Variants in SMG7 observed in about 807,000 individuals in gnomAD.
SMG7 encodes the protein SMG7 nonsense mediated mRNA decay factor.
A neutral mutation model predicts 148.2 loss-of-function variants in SMG7; 34 were observed. The ratio of observed to expected loss-of-function variants is 0.23; its 90% CI spans 0.17 to 0.31. The LOEUF (loss-of-function observed/expected upper bound fraction) is 0.31. Ranked by LOEUF, SMG7 falls within the 10% of genes least tolerant of loss-of-function variation. The pLI is 1.00. For synonymous variants in SMG7, 492 were observed against 515.1 expected (o/e 0.96, Z 0.61); for missense variants, 1,114 against 1,408.4 (o/e 0.79, Z 3.35).
At chr1:183,511,125 A>AGTCCC (rs1662029521) in intron 1 of SMG7, among the ~76,000 whole-genome samples, 1 of 151,902 alleles carries the variant, frequency 6.6e-6, no homozygotes, top group Non-Finnish European at 1.5e-5. Flanking sequence ...AGCAAGGCCC[A>AGTCCC]GTCTCTCTCT....
At chr1:183,551,673 CTT>C (rs1383166529) in intron 22 of SMG7, 143 bp from the exon 23 acceptor site, 1 of 541,976 alleles carries the variant, frequency 1.8e-6, no homozygotes, top group Admixed American at 3.5e-5. Flanking sequence ...CTTATAATGA[CTT>C]TTTCTAATAG....
Position 183,545,157 on chromosome 1 carries a change from C to G in SMG7, c.2215C>G (p.Pro739Ala). Reference sequence around the variant, plus strand: ...CCAGGGACCTCAACAATCACAGCCACCTTCCCAGCAACCCCTTACATCTTT... The same window carrying G: ...CCAGGGACCTCAACAATCACAGCCAGCTTCCCAGCAACCCCTTACATCTTT... ...MNQGPQQSQP[P>A]SQQPLTSLPA... The change falls in exon 16 of 23, where the codon CCT (proline) becomes GCT (alanine). Residue 739 changes from proline (P) to alanine (A), a missense_variant. Coordinates refer to ENST00000688051, the MANE Select transcript of SMG7 (RefSeq NM_001375584.1). 1 of 1,614,098 alleles carries G rather than the reference C, an allele frequency of 6.2e-7. No homozygotes were observed. The highest frequency in any genetic ancestry group is 8.5e-7 in the Non-Finnish European group (1 of 1,180,012).
Position 183,552,846 on chromosome 1 carries a change from T to C in SMG7, c.*915T>C, listed in dbSNP as rs1671271315. On this transcript the variant is annotated 3_prime_UTR_variant, in exon 23 of 23. Coordinates refer to ENST00000688051, the MANE Select transcript of SMG7 (RefSeq NM_001375584.1). Reference sequence around the variant, plus strand: ...AGAAGCTTTCAGTGTGGTTATTTTTTCTTTGGTTGGTTTTTGTGCCCCCAT... The same window carrying C: ...AGAAGCTTTCAGTGTGGTTATTTTTCCTTTGGTTGGTTTTTGTGCCCCCAT... 1.4e-6 allele frequency: 2 copies of C among 1,433,446 alleles called. No individual in the cohort carries two copies. The highest frequency in any genetic ancestry group is 1.5e-5 in the South Asian group (1 of 66,218). 88.8% of individuals were successfully genotyped at this position (1,433,446 alleles called of 1,614,324 possible).
chr1:183,514,029 CAAAAAA>C (rs1035651769), intron 2 of SMG7, among the ~76,000 whole-genome samples: 19 of 41,318 alleles, frequency 4.6e-4, no homozygotes, highest in African/African-American at 1.3e-3. Flanking sequence ...GACTCCGTCT[CAAAAAA>C]AAAAAAAAAA....
chr1:183,529,502 CTCT>C lies in SMG7; in HGVS notation c.815_817del (p.Leu272del). ...AGTAAGAGCTTGGAAAAGTTGAGCC[CTCT>C]TCGAGAGAAATTGGAAGAACAGTTT... On this transcript the variant is annotated inframe_deletion, in exon 8 of 23. Transcript: ENST00000688051. The C allele has an allele frequency of 6.2e-7, 1 of 1,612,902 alleles. No homozygotes were observed. The highest frequency in any genetic ancestry group is 8.5e-7 in the Non-Finnish European group (1 of 1,179,190).
intron 1 of SMG7, among the ~76,000 whole-genome samples, chr1:183,492,929 C>T (rs996260577): frequency 1.3e-5 from 2 of 152,086 alleles, no homozygotes; most frequent in African/African-American, 4.8e-5. Flanking sequence ...CCAGTTTCTC[C>T]TGTGATTTAT....
chr1:183,541,822 G>C (rs1240861101), intron 13 of SMG7, among the ~76,000 whole-genome samples: 1 of 152,202 alleles, frequency 6.6e-6, no homozygotes, highest in African/African-American at 2.4e-5. Flanking sequence ...TGCACTTGAA[G>C]CATGCTCAGA....
At chr1:183,528,435 C>T (rs1344904874) in intron 6 of SMG7, among the ~76,000 whole-genome samples, 1 of 152,058 alleles carries the variant, frequency 6.6e-6, no homozygotes. Context: ...AGCAGTAGTT[C>T]TTGAGTTACA....
At chr1:183,491,111 T>TAGCGA (rs1300380137) in intron 1 of SMG7, among the ~76,000 whole-genome samples, 5 of 152,230 alleles carry the variant, frequency 3.3e-5, no homozygotes, top group South Asian at 2.1e-4. Flanking sequence ...TAACTCTGCT[T>TAGCGA]AACCCTCTGT....
At chr1:183,541,963 C>A in intron 13 of SMG7, 113 bp from the exon 14 acceptor site, 1 of 847,478 alleles carries the variant, frequency 1.2e-6, no homozygotes, top group Non-Finnish European at 1.8e-6. Context: ...TTATATCCTG[C>A]TGTTTTCATG....
intron 11 of SMG7, among the ~76,000 whole-genome samples, chr1:183,537,648 TAC>T (rs975673688): frequency 6.6e-6 from 1 of 152,182 alleles, no homozygotes; most frequent in African/African-American, 2.4e-5. Context: ...CTTACGTGTG[TAC>T]ACACACACAG....
chr1:183,512,929 A>G, intron 2 of SMG7, 61 bp downstream of exon 2: 1 of 1,452,912 alleles, frequency 6.9e-7, no homozygotes. Context: ...ATGGAAGGAT[A>G]TCCTCTTTCT....
chr1:183,546,276 G>A lies in SMG7; in HGVS notation c.2681G>A (p.Gly894Asp), dbSNP rs546881676. 3.1e-6 allele frequency: 5 copies of A among 1,614,028 alleles called. No individual in the cohort carries two copies. The African/African-American group carries it at 4.0e-5, about 13-fold the overall frequency. ...CAGCAAGCAAACATAGACCGCAGGG[G>A]CAAACGGTCACCAGGAGTCTTCCGT... ...MAQQANIDRR[G>D]KRSPGVFRPE... Residue 894 changes from glycine to aspartate, a missense_variant, in exon 17 of 23, where the codon GGC (glycine) becomes GAC (aspartate). Around this residue, in one of 4 missense-constraint regions of SMG7, gnomAD observed 788 missense variants for 894.5 expected, o/e 0.88. Transcript: ENST00000688051.
In SMG7 at chr1:183,517,674, C is replaced by A. The variant is rs552570345; in HGVS notation, c.180-14C>A. On this transcript the variant is annotated splice_polypyrimidine_tract_variant and intron_variant, in intron 3 of 22. Coordinates refer to ENST00000688051, the MANE Select transcript of SMG7 (RefSeq NM_001375584.1). The stretch of plus-strand genomic sequence containing the variant: ...GTCACTGCTATACCAAATAGAATTA[C>A]ATTTTGTTTTCAGCTGGAATCACGC... The A allele has an allele frequency of 6.2e-7, 1 of 1,613,792 alleles. No individual in the cohort carries two copies. Among genetic ancestry groups the A allele is most frequent in the Non-Finnish European group, 8.5e-7 (1 of 1,179,744 alleles).
rs1200956795 is a variant in SMG7 at position 183,550,618 on chromosome 1, A to T, written c.3134-133A>T. ...TCTAGCAGATCTCTTTGGAGCCTTT[A>T]GTTTCCCTTTCCTTCAAAGCCCTGT... is the stretch of plus-strand genomic sequence containing the variant. On this transcript the variant is annotated intron_variant, in intron 20 of 22. Transcript: ENST00000688051. 3.6e-6 allele frequency: 3 copies of T among 830,434 alleles called. No individual in the cohort carries two copies. The African/African-American group carries it at 5.2e-5, about 14-fold the overall frequency. 51.4% of individuals were successfully genotyped at this position (830,434 alleles called of 1,614,324 possible). A position where few individuals can be genotyped will look rare whatever the true frequency, so the allele number is the denominator to read the frequency against.
At chr1:183,506,015 G>A (rs1571886447) in intron 1 of SMG7, among the ~76,000 whole-genome samples, 1 of 152,200 alleles carries the variant, frequency 6.6e-6, no homozygotes, top group East Asian at 1.9e-4. Flanking sequence ...TGCAAGTCAT[G>A]CAAGGCCTCT....
At position 183,544,350 on chromosome 1, in the gene SMG7, C is replaced by T. The variant is rs367989548; in HGVS notation, c.1843-3C>T. The T allele has an allele frequency of 1.9e-6, 3 of 1,613,072 alleles. No individual in the cohort carries two copies. Among genetic ancestry groups the T allele is most frequent in the Non-Finnish European group, 2.5e-6 (3 of 1,179,218 alleles). On this transcript the variant is annotated splice_region_variant and splice_polypyrimidine_tract_variant and intron_variant, in intron 14 of 22. Coordinates refer to ENST00000688051, the MANE Select transcript of SMG7 (RefSeq NM_001375584.1). ...TAGATAGTTTTGCTTCTATTGGTTA[C>T]AGGTAAAATCCCAGACAGAACTAAG... is the stretch of plus-strand genomic sequence containing the variant.
In SMG7 at chr1:183,527,895, T is replaced by G; in HGVS notation, c.485-61T>G. 8.7e-7 allele frequency: 1 copy of G among 1,149,008 alleles called. No individual in the cohort carries two copies. The highest frequency in any genetic ancestry group is 1.3e-6 in the Non-Finnish European group (1 of 769,666). The allele number at this position is 1,149,008 out of a possible 1,614,324, so 71.2% of individuals were successfully genotyped here. A position where few individuals can be genotyped will look rare whatever the true frequency, so the allele number is the denominator to read the frequency against. ...TTAGAACTTAAAACTATAGCTGTTT[T>G]GGAAATACTACCCTACTGTTTGTTT... On this transcript the variant is annotated intron_variant, in intron 5 of 22. Coordinates refer to ENST00000688051, the MANE Select transcript of SMG7 (RefSeq NM_001375584.1). The surrounding 1 kb of genome is among the most constrained non-coding windows in gnomAD (Gnocchi z 4.0).
intron 1 of SMG7, among the ~76,000 whole-genome samples, chr1:183,504,709 T>C (rs1200630445): frequency 6.6e-6 from 1 of 152,194 alleles, no homozygotes; most frequent in Non-Finnish European, 1.5e-5. Flanking sequence ...CTGCATTCTT[T>C]TCTTTGTCAT....
Sources: allele counts gnomAD v4.1 joint callset (sites outside exome capture counted in the v4.1 genomes callset), GRCh38; gene constraint gnomAD v4.1.1; regional missense constraint gnomAD v4.1.1; non-coding constraint Gnocchi (gnomAD v3.1); transcripts MANE v1.5; gene names NCBI Gene and HGNC (gene_info 2026-07-23, HGNC 2026-07-21).